Variants in ECE1 observed in about 807,000 individuals in gnomAD.
The protein encoded by ECE1 is endothelin-converting enzyme 1.
Under a neutral mutation model 98.6 loss-of-function variants are expected in ECE1, and 35 were observed. That is an observed-to-expected ratio of 0.35 (90% CI 0.27 to 0.47). The LOEUF (loss-of-function observed/expected upper bound fraction) is 0.47. ECE1 is among the 20% of genes least tolerant of loss of function. ECE1 has a pLI of 1.00. For missense variants in ECE1, 814 were observed against 1,025.3 expected (o/e 0.79, Z 2.81); for synonymous variants, 394 against 407.1 (o/e 0.97, Z 0.39).
intron 3 of ECE1, among the ~76,000 whole-genome samples, chr1:21,274,488 G>A (rs925364033): frequency 6.6e-6 from 1 of 152,142 alleles, no homozygotes; most frequent in Non-Finnish European, 1.5e-5. Flanking sequence ...AGGAAGAAAG[G>A]TAGGACCAAT....
intron 10 of ECE1, 111 bp from the exon 11 acceptor site, chr1:21,238,355 G>A: frequency 1.1e-6 from 1 of 876,998 alleles, no homozygotes; most frequent in Non-Finnish European, 1.9e-6. Context: ...TGGAAGTTCA[G>A]GGAGAGCTTT....
At chr1:21,227,305 C>A in intron 15 of ECE1, 79 bp from the exon 16 acceptor site, 1 of 1,391,236 alleles carries the variant, frequency 7.2e-7, no homozygotes, top group African/African-American at 1.4e-5. Context: ...GTGACCCTCA[C>A]TTCCTGGGCT....
upstream of ECE1, among the ~76,000 whole-genome samples, chr1:21,292,295 A>C (rs1437324300): frequency 6.7e-6 from 1 of 150,144 alleles, no homozygotes; most frequent in East Asian, 1.9e-4. Flanking sequence ...TTGTGCTGCC[A>C]GCGCCCCCTC....
At chr1:21,318,925 C>T (rs1049722032) in intron 1 of ECE1, among the ~76,000 whole-genome samples, 9 of 152,186 alleles carry the variant, frequency 5.9e-5, no homozygotes, top group Admixed American at 3.3e-4. Flanking sequence ...GAGGCAGATG[C>T]GAAGGAATAC....
chr1:21,269,570 T>G (rs2098237850), intron 4 of ECE1, among the ~76,000 whole-genome samples: 1 of 152,192 alleles, frequency 6.6e-6, no homozygotes. Flanking sequence ...AGCTTGTTTG[T>G]AAGAAGTCTG....
intron 1 of ECE1, among the ~76,000 whole-genome samples, chr1:21,334,668 A>C (rs1639273008): frequency 6.6e-6 from 1 of 152,166 alleles, no homozygotes. Context: ...CCACCCCGGA[A>C]GGCTGAGTTG....
intron 2 of ECE1, among the ~76,000 whole-genome samples, chr1:21,288,956 G>C (rs994364973): frequency 1.3e-5 from 2 of 152,150 alleles, no homozygotes; most frequent in African/African-American, 4.8e-5. Flanking sequence ...AGAGCCCTTG[G>C]GACTGTGAGT....
intron 1 of ECE1, among the ~76,000 whole-genome samples, chr1:21,312,141 A>AT (rs1378720409): frequency 3.5e-5 from 3 of 85,486 alleles, no homozygotes. Flanking sequence ...AAAAAAAAAA[A>AT]TTTTTTTTTT....
In ECE1 at chr1:21,257,772, G is replaced by A. The variant is rs552397265; in HGVS notation, c.763-182C>T. Among the ~76,000 whole-genome samples, 5 of 148,598 alleles carry A rather than the reference G, an allele frequency of 3.4e-5. No homozygotes were observed. In the East Asian group the frequency reaches 9.8e-4, roughly 29 times the overall value. ...CTCAGGGACGGGATGACACATTCCT[G>A]CCTGTCCACGTGGCCCCCCCCCGCA... On this transcript the variant is annotated intron_variant, in intron 6 of 18. Coordinates refer to ENST00000374893, the MANE Select transcript of ECE1 (RefSeq NM_001397.3).
At position 21,307,845 on chromosome 1, in the gene ECE1, G is replaced by T. The variant is rs1385765912; in HGVS notation, c.4-17689C>A. ...AGAGGCCCTGCCCCCTTGAGAGGGA[G>T]GCCCTGCCCCCTTGAGAGGTTGGCC... On this transcript the variant is annotated intron_variant, in intron 1 of 18. Coordinates refer to the ECE1 transcript ENST00000415912. This position sits in a 1 kb window ranked among gnomAD's most constrained non-coding sequence, Gnocchi z 4.2. Among the ~76,000 whole-genome samples, 1 of 152,208 alleles carries T rather than the reference G, an allele frequency of 6.6e-6. No individual in the cohort carries two copies. Among genetic ancestry groups the T allele is most frequent in the Non-Finnish European group, 1.5e-5 (1 of 68,036 alleles).
At chr1:21,255,216 C>T (rs901412720) in intron 8 of ECE1, among the ~76,000 whole-genome samples, 7 of 152,154 alleles carry the variant, frequency 4.6e-5, no homozygotes, top group African/African-American at 9.7e-5. Flanking sequence ...CTGCGGGAGC[C>T]CCTCCTCAGC....
At chr1:21,342,531 G>T (rs139244854) in intron 1 of ECE1, among the ~76,000 whole-genome samples, 1 of 152,112 alleles carries the variant, frequency 6.6e-6, no homozygotes, top group East Asian at 1.9e-4. Context: ...GACGTGGGTG[G>T]GGAGCTGGTG....
intron 1 of ECE1, among the ~76,000 whole-genome samples, chr1:21,331,681 A>G (rs1209630794): frequency 6.6e-6 from 1 of 152,122 alleles, no homozygotes; most frequent in African/African-American, 2.4e-5. Flanking sequence ...GAGGAGAGAT[A>G]CATTACCTCT....
At chr1:21,244,855 C>A in intron 10 of ECE1, 134 bp downstream of exon 10, 2 of 813,504 alleles carry the variant, frequency 2.5e-6, no homozygotes, top group Non-Finnish European at 4.2e-6. Context: ...TTACCCTTTA[C>A]TTGGCATAAG....
At chr1:21,255,607 G>A (rs1472288133) in intron 8 of ECE1, among the ~76,000 whole-genome samples, 2 of 152,176 alleles carry the variant, frequency 1.3e-5, no homozygotes, top group Non-Finnish European at 2.9e-5. Flanking sequence ...AACCAAGTTC[G>A]ATGTGCTTGG....
intron 2 of ECE1, among the ~76,000 whole-genome samples, chr1:21,286,248 A>C (rs1200235287): frequency 6.6e-6 from 1 of 152,208 alleles, no homozygotes; most frequent in African/African-American, 2.4e-5. Context: ...GTGTGGGAAG[A>C]TCAGGCAGCT....
chr1:21,306,309 A>G (rs946752469), intron 1 of ECE1, among the ~76,000 whole-genome samples: 2 of 151,820 alleles, frequency 1.3e-5, no homozygotes, highest in Admixed American at 1.3e-4. Flanking sequence ...TGTGTGCCAC[A>G]TACTATATGT....
At chr1:21,270,552 AGT>A (rs905536696) in intron 4 of ECE1, among the ~76,000 whole-genome samples, 3 of 152,196 alleles carry the variant, frequency 2.0e-5, no homozygotes, top group African/African-American at 7.2e-5. Flanking sequence ...CTACCAACAG[AGT>A]GAGCAACACC....
At chr1:21,238,009 T>G (rs1156793101) in intron 11 of ECE1, 125 bp downstream of exon 11, 1 of 813,804 alleles carries the variant, frequency 1.2e-6, no homozygotes, top group Non-Finnish European at 2.1e-6. Flanking sequence ...ATTGAGGCTG[T>G]GGCCCTAAGG....
Sources: allele counts gnomAD v4.1 joint callset (sites outside exome capture counted in the v4.1 genomes callset), GRCh38; gene constraint gnomAD v4.1.1; non-coding constraint Gnocchi (gnomAD v3.1); transcripts MANE v1.5; gene names NCBI Gene and HGNC (gene_info 2026-07-23, HGNC 2026-07-21).